The following PKNOX2 variants were observed in gnomAD, a reference collection of about 807,000 sequenced individuals.
PKNOX2 encodes PBX/knotted 1 homeobox 2.
Under a neutral mutation model 53.1 loss-of-function variants are expected in PKNOX2, and 14 were observed. The ratio of observed to expected loss-of-function variants is 0.26; its 90% confidence interval spans 0.17 to 0.41. The LOEUF is 0.41. PKNOX2 is among the 10% of genes least tolerant of loss of function. The pLI is 1.00. For synonymous variants in PKNOX2, 257 were observed against 242.8 expected (o/e 1.06, Z -0.54); for missense variants, 496 against 602.8 (o/e 0.82, Z 1.85).
chr11:125,363,095 G>A (rs1002023514), intron 4 of PKNOX2, among the ~76,000 whole-genome samples: 6 of 152,206 alleles, frequency 3.9e-5, no homozygotes, highest in Non-Finnish European at 8.8e-5. Flanking sequence ...CGTGCATGGA[G>A]GTGATGGCCC....
rs1445241615 is a variant in PKNOX2, at chr11:125,331,907, C to G, written c.-41C>G. 1 of 152,164 alleles carries G rather than the reference C, an allele frequency of 6.6e-6. No homozygotes were observed. The highest frequency in any genetic ancestry group is 1.9e-4 in the East Asian group (1 of 5,188). 9.4% of individuals were successfully genotyped at this position (152,164 alleles called of 1,614,324 possible). On this transcript the variant is annotated 5_prime_UTR_variant, in exon 3 of 13. Transcript: ENST00000298282. ...AGTCTCCTGAGGACCATCTCAGAGG[C>G]CCCGGGATCACCCGAACAGTAAGAA...
chr11:125,221,402 C>T (rs1355739879), intron 1 of PKNOX2, among the ~76,000 whole-genome samples: 1 of 152,134 alleles, frequency 6.6e-6, no homozygotes, highest in Non-Finnish European at 1.5e-5. Context: ...GTGTTTGGGG[C>T]ACATTTACCC....
chr11:125,284,903 T>C (rs1946800597), intron 2 of PKNOX2, among the ~76,000 whole-genome samples: 1 of 152,058 alleles, frequency 6.6e-6, no homozygotes, highest in Non-Finnish European at 1.5e-5. Context: ...CTGGCTTCTA[T>C]GGGGGCACCT....
intron 4 of PKNOX2, among the ~76,000 whole-genome samples, chr11:125,362,950 T>C (rs1952002947): frequency 6.6e-6 from 1 of 152,198 alleles, no homozygotes; most frequent in Admixed American, 6.5e-5. Flanking sequence ...TTCCCACTCC[T>C]TTTTAGAATG....
intron 2 of PKNOX2, among the ~76,000 whole-genome samples, chr11:125,301,153 GGGA>G (rs1285843422): frequency 6.6e-6 from 1 of 152,166 alleles, no homozygotes; most frequent in African/African-American, 2.4e-5. Flanking sequence ...CTCTGGTTCA[GGGA>G]GCGCTGTTTG....
At chr11:125,333,079 C>G (rs1950228437) in intron 3 of PKNOX2, among the ~76,000 whole-genome samples, 1 of 152,154 alleles carries the variant, frequency 6.6e-6, no homozygotes, top group Non-Finnish European at 1.5e-5. Flanking sequence ...GCAAGTTGAG[C>G]CTTTTCAACA....
chr11:125,288,215 G>C (rs906243824), intron 2 of PKNOX2: 3 of 152,220 alleles, frequency 2.0e-5, no homozygotes, highest in African/African-American at 7.2e-5. Context: ...AAATTAGGAG[G>C]GGCCTTAGAT....
intron 1 of PKNOX2, among the ~76,000 whole-genome samples, chr11:125,215,811 A>C (rs1940432589): frequency 6.6e-6 from 1 of 152,250 alleles, no homozygotes; most frequent in Non-Finnish European, 1.5e-5. Context: ...AGTGAAAAGC[A>C]GAGGCTGGAA....
At chr11:125,341,827 C>T (rs1394940720) in intron 3 of PKNOX2, among the ~76,000 whole-genome samples, 3 of 152,248 alleles carry the variant, frequency 2.0e-5, no homozygotes, top group African/African-American at 7.2e-5. Context: ...TCTGTGTGGC[C>T]GCGCCACGTC....
At chr11:125,395,975 A>G (rs1416909668) in intron 6 of PKNOX2, among the ~76,000 whole-genome samples, 1 of 130,552 alleles carries the variant, frequency 7.7e-6, no homozygotes, top group Non-Finnish European at 1.6e-5. Context: ...TTTTTTTTAG[A>G]TGGAGTTGCG....
chr11:125,423,672 G>A (rs984473927), intron 10 of PKNOX2, among the ~76,000 whole-genome samples: 4 of 152,188 alleles, frequency 2.6e-5, no homozygotes, highest in African/African-American at 7.2e-5. Flanking sequence ...GCCCCTTGGG[G>A]TGACAGGTAG....
chr11:125,365,789 C>T (rs562153951), intron 4 of PKNOX2, among the ~76,000 whole-genome samples: 24 of 152,198 alleles, frequency 1.6e-4, no homozygotes, highest in Non-Finnish European at 3.4e-4. Context: ...CTGCCAGGCT[C>T]TCATGGAAAA....
chr11:125,178,580 AGGAAGGAAGGAAG>A lies in PKNOX2; in HGVS notation c.-201+13806_-201+13818del. ...AAGGAAGGAACGAAGGAAGGAAGGA[AGGAAGGAAGGAAG>A]GAAGGAAGGAAGGAAGGAAAGAAAG... On this transcript the variant is annotated intron_variant, in intron 1 of 12. Transcript: ENST00000298282. Among the ~76,000 whole-genome samples the A allele has an allele frequency of 6.9e-3, 235 of 33,994 alleles. 8 individuals are homozygous for A. The highest frequency in any genetic ancestry group is 0.011 in the African/African-American group (52 of 4,558). The allele number at this position is 33,994 out of a possible 152,430, so 22.3% of individuals were successfully genotyped here.
intron 3 of PKNOX2, among the ~76,000 whole-genome samples, chr11:125,338,280 G>A (rs997016901): frequency 6.6e-6 from 1 of 152,194 alleles, no homozygotes; most frequent in Admixed American, 6.5e-5. Context: ...ACCGTGGCAA[G>A]TGCCTCATTA....
At chr11:125,300,891 G>T (rs1436485697) in intron 2 of PKNOX2, among the ~76,000 whole-genome samples, 1 of 152,166 alleles carries the variant, frequency 6.6e-6, no homozygotes, top group East Asian at 1.9e-4. Flanking sequence ...TTTTTTAGAT[G>T]ACTCAGAGGA....
At chr11:125,429,230 G>A in intron 11 of PKNOX2, 142 bp downstream of exon 11, 1 of 805,326 alleles carries the variant, frequency 1.2e-6, no homozygotes, top group Non-Finnish European at 2.0e-6. Context: ...CCCCCATTTA[G>A]GCTAGAAGCA....
In PKNOX2 at chr11:125,166,490, G is replaced by T. The variant is rs888551038; in HGVS notation, c.-201+1714G>T. Among the ~76,000 whole-genome samples, 1 of 152,192 alleles carries T rather than the reference G, an allele frequency of 6.6e-6. No individual in the cohort carries two copies. The highest frequency in any genetic ancestry group is 1.5e-5 in the Non-Finnish European group (1 of 68,036). On this transcript the variant is annotated intron_variant, in intron 1 of 12. Coordinates refer to ENST00000298282, the MANE Select transcript of PKNOX2 (RefSeq NM_001382323.2). The surrounding 1 kb of genome is among the most constrained non-coding windows in gnomAD (Gnocchi z 4.0). ...GGGCGAAGCGGCAGGGCAGCCTCGC[G>T]GGGCTGGGAGTGGATCTGAGGTCCC...
At chr11:125,328,660 C>G (rs964203211) in intron 2 of PKNOX2, among the ~76,000 whole-genome samples, 1 of 152,196 alleles carries the variant, frequency 6.6e-6, no homozygotes, top group South Asian at 2.1e-4. Context: ...CTCTGCCTCT[C>G]CTTCCGGGAG....
intron 5 of PKNOX2, among the ~76,000 whole-genome samples, chr11:125,374,272 G>A (rs987205624): frequency 1.3e-5 from 2 of 152,120 alleles, no homozygotes; most frequent in East Asian, 1.9e-4. Flanking sequence ...GAGAAGTTAG[G>A]ACCGGATGCT....
Sources: allele counts gnomAD v4.1 joint callset (sites outside exome capture counted in the v4.1 genomes callset), GRCh38; gene constraint gnomAD v4.1.1; non-coding constraint Gnocchi (gnomAD v3.1); transcripts MANE v1.5; gene names NCBI Gene and HGNC (gene_info 2026-07-23, HGNC 2026-07-21).